FREM2: variants seen among roughly 807,000 people sequenced by gnomAD.
FREM2 encodes the protein FRAS1-related extracellular matrix protein 2.
A neutral mutation model predicts 219.9 loss-of-function variants in FREM2; 119 were observed. That is an observed-to-expected ratio of 0.54 (90% CI 0.47 to 0.63). The LOEUF (loss-of-function observed/expected upper bound fraction) is 0.63, where lower values mean the gene tolerates loss of function less well. Ranked by LOEUF, FREM2 falls within the 30% of genes least tolerant of loss-of-function variation. The pLI is 0.00. For missense variants in FREM2, 4,030 were observed against 3,993.6 expected, an observed-to-expected ratio of 1.01 and a Z score of -0.25; for synonymous variants, 1,562 against 1,522.8, an observed-to-expected ratio of 1.03 and a Z score of -0.60.
chr13:38,864,488 C>G lies in FREM2; in HGVS notation c.7865C>G (p.Thr2622Ser). 1 of 1,614,160 alleles carries G rather than the reference C, an allele frequency of 6.2e-7. No individual in the cohort carries two copies. The highest frequency in any genetic ancestry group is 8.5e-7 in the Non-Finnish European group (1 of 1,179,980). The change falls in exon 16 of 24, where the codon ACT becomes AGT. Residue 2622 changes from threonine to serine, a missense_variant. By Grantham distance (58) the Thr-to-Ser change is moderately conservative. Around this residue, in one of 2 missense-constraint regions of FREM2, gnomAD observed 928 missense variants for 1,042.9 expected, o/e 0.89. Coordinates refer to ENST00000280481, the MANE Select transcript of FREM2 (RefSeq NM_207361.6). ...TACAGCTTGTCCATCAGAGGTTCCA[C>G]TACCTTGCGCTTCTACCGGAACCTG... ...YQYSLSIRGSTTLRFYRNLNL... is the reference protein window; with the variant it reads ...YQYSLSIRGSSTLRFYRNLNL...
chr13:38,811,399 T>G (rs148395450), intron 6 of FREM2, among the ~76,000 whole-genome samples: 30 of 152,220 alleles, frequency 2.0e-4, no homozygotes, highest in Admixed American at 3.3e-4. Flanking sequence ...TTAGGTTATT[T>G]ATTTGAAGTT....
intron 6 of FREM2, among the ~76,000 whole-genome samples, chr13:38,804,640 G>A (rs1171135161): frequency 1.3e-5 from 2 of 152,166 alleles, no homozygotes. Flanking sequence ...AGAGAGCAGA[G>A]TGTGATTAAA....
intron 2 of FREM2, among the ~76,000 whole-genome samples, chr13:38,754,821 G>C (rs758854094): frequency 2.0e-5 from 3 of 151,522 alleles, no homozygotes; most frequent in Non-Finnish European, 2.9e-5. Context: ...TATTATGCCA[G>C]TTCTGATTGG....
At chr13:38,775,261 G>A (rs1593399603) in intron 4 of FREM2, among the ~76,000 whole-genome samples, 1 of 152,172 alleles carries the variant, frequency 6.6e-6, no homozygotes, top group African/African-American at 2.4e-5. Context: ...TCACTGGCTA[G>A]CTGATATTTT....
chr13:38,769,687 G>A lies in FREM2; in HGVS notation c.5520G>A (p.Arg1840=). ...PGQTRATWRV[R]ILSDGEHEQS... The stretch of plus-strand genomic sequence containing the variant: ...AGACCAGGGCCACATGGCGAGTGCG[G>A]ATCCTGAGTGATGGGGAGCATGAGC... The change falls in exon 4 of 24, where the codon CGG becomes CGA. Residue 1840 remains arginine (R), a synonymous_variant. Transcript: ENST00000280481. 1 of 1,614,166 alleles carries A rather than the reference G, an allele frequency of 6.2e-7. No individual in the cohort carries two copies. Among genetic ancestry groups the A allele is most frequent in the Non-Finnish European group, 8.5e-7 (1 of 1,180,002 alleles).
At chr13:38,849,945 T>C (rs1877305098) in intron 8 of FREM2, 93 bp from the exon 9 acceptor site, 1 of 1,010,542 alleles carries the variant, frequency 9.9e-7, no homozygotes, top group East Asian at 2.5e-5. Context: ...TCTTCTCACT[T>C]ACTTTCCATT....
chr13:38,694,472 C>T (rs1291632839), intron 1 of FREM2, among the ~76,000 whole-genome samples: 1 of 152,200 alleles, frequency 6.6e-6, no homozygotes, highest in Admixed American at 6.5e-5. Flanking sequence ...AAAGCGCCAT[C>T]AGAAAGCTAC....
intron 4 of FREM2, among the ~76,000 whole-genome samples, chr13:38,771,046 A>G (rs1408929123): frequency 6.6e-6 from 1 of 152,202 alleles, no homozygotes; most frequent in Non-Finnish European, 1.5e-5. Flanking sequence ...GATACAATCT[A>G]CAGAGTACAT....
chr13:38,732,915 T>G (rs949805328), intron 2 of FREM2, among the ~76,000 whole-genome samples: 4 of 152,250 alleles, frequency 2.6e-5, no homozygotes, highest in Admixed American at 6.5e-5. Flanking sequence ...TTTTACTGTA[T>G]TATTGGGATA....
chr13:38,857,803 A>G, intron 12 of FREM2, 72 bp from the exon 13 acceptor site: 1 of 1,315,804 alleles, frequency 7.6e-7, no homozygotes. Context: ...GATCGTGAGT[A>G]TTGTTCTGTG....
At chr13:38,696,127 T>C (rs1870098347) in intron 1 of FREM2, among the ~76,000 whole-genome samples, 1 of 152,146 alleles carries the variant, frequency 6.6e-6, no homozygotes, top group Non-Finnish European at 1.5e-5. Context: ...GACCCACATA[T>C]CTATATTTTG....
At chr13:38,749,715 A>C (rs1443662165) in intron 2 of FREM2, among the ~76,000 whole-genome samples, 1 of 152,020 alleles carries the variant, frequency 6.6e-6, no homozygotes, top group Non-Finnish European at 1.5e-5. Flanking sequence ...AGCCAAAACT[A>C]TCTCCAGACA....
chr13:38,823,736 C>T (rs1876163158), intron 6 of FREM2, among the ~76,000 whole-genome samples: 1 of 151,870 alleles, frequency 6.6e-6, no homozygotes, highest in South Asian at 2.1e-4. Flanking sequence ...AAAGTAGTAA[C>T]TTTATGGTCA....
rs1005355613 is a variant in FREM2 at position 38,851,687 on chromosome 13, G to A, written c.6744G>A (p.Lys2248=). ...TGTCTTTGTTTCCCACAATTTTAGA[G>A]ACTGTTATTAAATTTGGAGAAACCA... is the stretch of plus-strand genomic sequence containing the variant. The part of the protein sequence containing the change: ...TLIRIRDDAD[K]TVIKFGETKF... The change falls in exon 11 of 24, where the codon AAG becomes AAA. Residue 2248 remains lysine (K), a splice_region_variant and synonymous_variant. Coordinates refer to ENST00000280481, the MANE Select transcript of FREM2 (RefSeq NM_207361.6). 5.0e-6 allele frequency: 8 copies of A among 1,600,110 alleles called. No homozygotes were observed. Among genetic ancestry groups the A allele is most frequent in the Non-Finnish European group, 6.0e-6 (7 of 1,167,760 alleles).
chr13:38,688,521 A>G lies in FREM2; in HGVS notation c.1177A>G (p.Ile393Val), dbSNP rs918341006. 9.9e-6 allele frequency: 16 copies of G among 1,613,744 alleles called. No individual in the cohort carries two copies. Among genetic ancestry groups the G allele is most frequent in the Non-Finnish European group, 1.4e-5 (16 of 1,179,928 alleles). ...FTQRDLRLLK[I>V]AYQPPSEDSD... ...TCAGAGGGATCTGCGGCTCCTGAAGATTGCCTACCAGCCCCCTTCTGAAGA... is the reference window on the plus strand; with the variant it reads ...TCAGAGGGATCTGCGGCTCCTGAAGGTTGCCTACCAGCCCCCTTCTGAAGA... Residue 393 changes from isoleucine (I) to valine (V), a missense_variant, in exon 1 of 24, where the codon ATT (isoleucine) becomes GTT (valine). Transcript: ENST00000280481.
chr13:38,782,948 T>C, intron 4 of FREM2, 122 bp from the exon 5 acceptor site: 2 of 1,200,536 alleles, frequency 1.7e-6, no homozygotes, highest in Non-Finnish European at 2.5e-6. Flanking sequence ...TCCCACTATG[T>C]TATTCTAAAG....
intron 2 of FREM2, among the ~76,000 whole-genome samples, chr13:38,758,855 T>C (rs73461845): frequency 0.027 from 4,139 of 152,252 alleles, 228 homozygotes; most frequent in African/African-American, 0.096. Context: ...GAACAAGACT[T>C]CTTAAAAATC....
At position 38,742,940 on chromosome 13, in the gene FREM2, A is replaced by C. The variant is rs1872309071; in HGVS notation, c.5264-21364A>C. Among the ~76,000 whole-genome samples, 3 of 152,344 alleles carry C rather than the reference A, an allele frequency of 2.0e-5. No individual in the cohort carries two copies. The South Asian group carries it at 6.2e-4, about 32-fold the overall frequency. Reference sequence around the variant, plus strand: ...CGAAGTCTGAACCAGAATTTCTGGAATAGTTTAGGCATTGAACTAGGACAA... The same window carrying C: ...CGAAGTCTGAACCAGAATTTCTGGACTAGTTTAGGCATTGAACTAGGACAA... On this transcript the variant is annotated intron_variant, in intron 2 of 23. Coordinates refer to ENST00000280481, the MANE Select transcript of FREM2 (RefSeq NM_207361.6).
intron 2 of FREM2, among the ~76,000 whole-genome samples, chr13:38,698,939 T>G (rs1008960862): frequency 4.6e-5 from 7 of 152,192 alleles, no homozygotes; most frequent in Admixed American, 2.0e-4. Context: ...GTGCCTTTAT[T>G]TTTTGAGTAA....
Sources: gnomAD v4.1 joint callset for allele counts (sites outside exome capture counted in the v4.1 genomes callset) on GRCh38, gnomAD v4.1.1 for gene constraint, gnomAD v4.1.1 regional missense constraint, MANE v1.5 for transcripts, NCBI Gene and HGNC (gene_info 2026-07-23, HGNC 2026-07-21) for gene names.